Variants in PPP1R9A observed in about 807,000 individuals in gnomAD.
PPP1R9A encodes the protein neurabin-1.
In PPP1R9A, 59 loss-of-function variants were observed where a neutral mutation model predicts 141.9. That is an observed-to-expected ratio of 0.42 (90% CI 0.34 to 0.52). The LOEUF is 0.52. Ranked by LOEUF, PPP1R9A falls within the 20% of genes least tolerant of loss-of-function variation. The probability of loss-of-function intolerance (pLI) is 0.10; values close to 1 mark genes in which losing one functional copy is unlikely to be tolerated. For missense variants in PPP1R9A, 1,444 were observed against 1,611.9 expected, an observed-to-expected ratio of 0.90 and a Z score of 1.78; for synonymous variants, 500 against 569.7, an observed-to-expected ratio of 0.88 and a Z score of 1.74.
At position 95,269,499 on chromosome 7, in the gene PPP1R9A, G is replaced by A. The variant is rs854524; in HGVS notation, c.3116G>A (p.Arg1039Gln). 860,659 of 1,559,756 alleles carry A rather than the reference G, an allele frequency of 0.55. 239,659 individuals carry two copies. The highest frequency in any genetic ancestry group is 0.68 in the East Asian group (30,434 of 44,566). ...CAAACCACCAACAAGAAAATATTAC[G>A]AGAAAAAGGTATTGTTAATTTCTTT... ...HHQTTNKKIL[R>Q]EKDDAKDPKS... is the part of the protein sequence containing the mutation. The change falls in exon 14 of 20, where the codon CGA becomes CAA. Residue 1039 changes from arginine (R) to glutamine (Q), a missense_variant. Transcript: ENST00000433360.
intron 7 of PPP1R9A, among the ~76,000 whole-genome samples, chr7:95,222,077 G>T (rs1475337199): frequency 6.6e-6 from 1 of 151,980 alleles, no homozygotes; most frequent in African/African-American, 2.4e-5. Context: ...CTTGTCCAGG[G>T]TAAGCATATT....
rs1809629634 is a variant in PPP1R9A at position 95,044,007 on chromosome 7, A to T, written c.1396-67252A>T. On this transcript the variant is annotated intron_variant, in intron 2 of 19. Transcript: ENST00000433360. ...TGGATCACTCCTTAGTTTGATCAAGATTTAAATCCTTCTTATTGCAGAAGC... is the reference window on the plus strand; with the variant it reads ...TGGATCACTCCTTAGTTTGATCAAGTTTTAAATCCTTCTTATTGCAGAAGC... Among the ~76,000 whole-genome samples, 5 of 152,348 alleles carry T rather than the reference A, an allele frequency of 3.3e-5. No homozygotes were observed. The South Asian group carries it at 1.0e-3, about 32-fold the overall frequency.
At chr7:95,250,895 G>A (rs552993698) in intron 10 of PPP1R9A, among the ~76,000 whole-genome samples, 2 of 151,484 alleles carry the variant, frequency 1.3e-5, no homozygotes, top group East Asian at 1.9e-4. Context: ...GTAATGTCAC[G>A]GAGACTGACC....
intron 2 of PPP1R9A, among the ~76,000 whole-genome samples, chr7:94,969,194 A>G (rs1441280506): frequency 6.6e-6 from 1 of 151,884 alleles, no homozygotes; most frequent in Non-Finnish European, 1.5e-5. Context: ...ACTGGCAAAG[A>G]GTTGTGATGA....
rs563184615 is a variant in PPP1R9A at position 95,166,579 on chromosome 7, A to G, written c.1754+4608A>G. Among the ~76,000 whole-genome samples the G allele has an allele frequency of 2.0e-5, 3 of 152,334 alleles. No individual in the cohort carries two copies. In the South Asian group the frequency reaches 6.2e-4, roughly 32 times the overall value. ...ATGGCTTAAATGCCAAATTCTAGCA[A>G]ACTTTCAAACAAGAACTAACACCAG... On this transcript the variant is annotated intron_variant, in intron 5 of 19. Transcript: ENST00000433360.
chr7:95,034,161 G>T (rs1808109990), intron 2 of PPP1R9A, among the ~76,000 whole-genome samples: 1 of 151,718 alleles, frequency 6.6e-6, no homozygotes, highest in Admixed American at 6.6e-5. Flanking sequence ...CATTTATCCA[G>T]GTCTTTTTAA....
intron 2 of PPP1R9A, among the ~76,000 whole-genome samples, chr7:94,949,583 A>C (rs750199266): frequency 1.3e-5 from 2 of 152,106 alleles, no homozygotes; most frequent in Non-Finnish European, 1.5e-5. Context: ...TGAAGCCTCT[A>C]TTGGGCTAGT....
At chr7:94,907,954 A>C (rs913998337) in intron 1 of PPP1R9A, 11 of 147,460 alleles carry the variant, frequency 7.5e-5, no homozygotes, top group African/African-American at 2.7e-4. Flanking sequence ...CTGGGGGCCG[A>C]CGCGCGAGTG....
intron 2 of PPP1R9A, among the ~76,000 whole-genome samples, chr7:94,940,961 C>T: frequency 6.6e-6 from 1 of 152,046 alleles, no homozygotes; most frequent in East Asian, 1.9e-4. Flanking sequence ...GAAACAGACC[C>T]CTTTAGGCAA....
intron 3 of PPP1R9A, among the ~76,000 whole-genome samples, chr7:95,117,620 AC>A (rs1212586453): frequency 6.6e-6 from 1 of 152,120 alleles, no homozygotes; most frequent in Non-Finnish European, 1.5e-5. Flanking sequence ...GGATTTAGAA[AC>A]CAAGAAGTAA....
intron 2 of PPP1R9A, among the ~76,000 whole-genome samples, chr7:94,975,356 GTTTTTTT>G (rs68186534): frequency 8.3e-6 from 1 of 120,714 alleles, no homozygotes; most frequent in Non-Finnish European, 1.8e-5. Context: ...GTTTTTTTTT[GTTTTTTT>G]TTTTTTTTTT....
chr7:95,232,702 G>T (rs1238250489), intron 8 of PPP1R9A, among the ~76,000 whole-genome samples: 3 of 151,982 alleles, frequency 2.0e-5, no homozygotes, highest in African/African-American at 7.3e-5. Context: ...TCAAAAAGTG[G>T]GCTAAGGATA....
At chr7:95,101,370 A>G (rs1818775920) in intron 2 of PPP1R9A, among the ~76,000 whole-genome samples, 1 of 152,202 alleles carries the variant, frequency 6.6e-6, no homozygotes, top group Admixed American at 6.5e-5. Context: ...CTTCTAACAG[A>G]TGTTTACTTC....
In PPP1R9A at chr7:94,910,904, G is replaced by C. The variant is rs773009142; in HGVS notation, c.791G>C (p.Arg264Pro). Residue 264 changes from arginine to proline, a missense_variant, in exon 2 of 20, where the codon CGA becomes CCA. Physicochemically the swap from Arg to Pro is moderately radical, Grantham distance 103. This residue lies in a region of PPP1R9A where 490 missense variants were observed against 521.1 expected (regional missense o/e 0.94). Transcript: ENST00000433360. This position sits in a 1 kb window ranked among gnomAD's most constrained non-coding sequence, Gnocchi z 4.5. ...DSNSWPPSNK[R>P]GVDTEDAHKS... is the part of the protein sequence containing the mutation. ...AATTCCTGGCCTCCTTCAAACAAGC[G>C]AGGTGTTGATACAGAGGATGCTCAC... 1.2e-6 allele frequency: 2 copies of C among 1,614,016 alleles called. No homozygotes were observed. The highest frequency in any genetic ancestry group is 4.5e-5 in the East Asian group (2 of 44,884).
chr7:95,260,965 A>G (rs1800344582), intron 12 of PPP1R9A, among the ~76,000 whole-genome samples: 1 of 152,206 alleles, frequency 6.6e-6, no homozygotes, highest in Non-Finnish European at 1.5e-5. Flanking sequence ...ATATATACAT[A>G]TTATGGTCTG....
chr7:95,198,405 G>T lies in PPP1R9A; in HGVS notation c.1811G>T (p.Ser604Ile). 1 of 1,613,556 alleles carries T rather than the reference G, an allele frequency of 6.2e-7. No homozygotes were observed. The highest frequency in any genetic ancestry group is 8.5e-7 in the Non-Finnish European group (1 of 1,179,840). ...GTGAGCGAGGTTGCCCAGTTGATAA[G>T]CCAGACACTGGAACAGGAGAGGCGC... The part of the protein sequence containing the change: ...GQVSEVAQLI[S>I]QTLEQERRQR... Residue 604 changes from serine to isoleucine, a missense_variant, in exon 6 of 20, where the codon AGC (serine) becomes ATC (isoleucine). Ser to Ile is a moderately radical substitution (Grantham distance 142). This residue lies in a region of PPP1R9A where 488 missense variants were observed against 542.0 expected (regional missense o/e 0.90). Coordinates refer to ENST00000433360, the MANE Select transcript of PPP1R9A (RefSeq NM_001166160.2).
At chr7:94,936,747 A>G (rs1263215552) in intron 2 of PPP1R9A, among the ~76,000 whole-genome samples, 2 of 151,982 alleles carry the variant, frequency 1.3e-5, no homozygotes, top group Non-Finnish European at 2.9e-5. Flanking sequence ...AATTCTAAAC[A>G]TACTGGTGGG....
intron 5 of PPP1R9A, among the ~76,000 whole-genome samples, chr7:95,166,196 A>T (rs1831239778): frequency 6.6e-6 from 1 of 151,860 alleles, no homozygotes; most frequent in African/African-American, 2.4e-5. Context: ...GAGTATCTTC[A>T]TTATGTAATA....
Position 95,294,282 on chromosome 7 carries a change from T to TC in PPP1R9A, c.*3979_*3980insC, listed in dbSNP as rs1338640264. The stretch of plus-strand genomic sequence containing the variant: ...GTCCATATTTTCTTTTCTTTTCTTT[T>TC]TTTTTTTTTTTTTCTGTCATCTGTC... On this transcript the variant is annotated 3_prime_UTR_variant, in exon 20 of 20. Coordinates refer to ENST00000433360, the MANE Select transcript of PPP1R9A (RefSeq NM_001166160.2). 6.8e-6 allele frequency: 1 copy of TC among 147,738 alleles called. No individual in the cohort carries two copies. Among genetic ancestry groups the TC allele is most frequent in the South Asian group, 2.2e-4 (1 of 4,552 alleles). The allele number at this position is 147,738 out of a possible 1,614,324, so 9.2% of individuals were successfully genotyped here.
Sources: allele counts gnomAD v4.1 joint callset (sites outside exome capture counted in the v4.1 genomes callset), GRCh38; gene constraint gnomAD v4.1.1; regional missense constraint gnomAD v4.1.1; non-coding constraint Gnocchi (gnomAD v3.1); transcripts MANE v1.5; gene names NCBI Gene and HGNC (gene_info 2026-07-23, HGNC 2026-07-21).